TNKS: variants seen among roughly 807,000 people sequenced by gnomAD.
TNKS encodes tankyrase.
Under a neutral mutation model 135.8 loss-of-function variants are expected in TNKS, and 72 were observed. The ratio of observed to expected loss-of-function variants is 0.53; its 90% confidence interval spans 0.44 to 0.64. The LOEUF (loss-of-function observed/expected upper bound fraction) is 0.64. TNKS is among the 30% of genes least tolerant of loss of function. The probability of loss-of-function intolerance (pLI) is 0.00; values close to 1 mark genes in which losing one functional copy is unlikely to be tolerated. For synonymous variants in TNKS, 849 were observed against 649.3 expected (o/e 1.31, Z -4.68); for missense variants, 1,769 against 1,674.0 (o/e 1.06, Z -0.99).
intron 20 of TNKS, among the ~76,000 whole-genome samples, chr8:9,761,261 T>C (rs559321484): frequency 2.0e-5 from 3 of 152,352 alleles, no homozygotes; most frequent in South Asian, 4.1e-4. Context: ...ATGATCATTT[T>C]GTATTTCTAT....
intron 1 of TNKS, chr8:9,574,916 A>T (rs1797886826): frequency 4.4e-6 from 2 of 452,480 alleles, no homozygotes; most frequent in Non-Finnish European, 5.8e-6. Context: ...GAGAACCTAG[A>T]TATGAGGCTT....
chr8:9,606,940 A>G (rs75816090), intron 2 of TNKS, among the ~76,000 whole-genome samples: 13,054 of 152,112 alleles, frequency 0.086, 583 homozygotes, highest in South Asian at 0.18. Flanking sequence ...TGTTTCTTTA[A>G]GATTGTCTCT....
intron 3 of TNKS, among the ~76,000 whole-genome samples, chr8:9,622,011 C>G (rs1286499486): frequency 6.6e-6 from 1 of 151,986 alleles, no homozygotes; most frequent in South Asian, 2.1e-4. Context: ...AAGTTAATTT[C>G]TTGACTAAGA....
At chr8:9,650,978 G>A (rs779075865) in intron 3 of TNKS, among the ~76,000 whole-genome samples, 11 of 152,054 alleles carry the variant, frequency 7.2e-5, no homozygotes, top group African/African-American at 1.7e-4. Flanking sequence ...TGATCCATCT[G>A]GAATTGAATT....
At chr8:9,731,133 T>C (rs1805417626) in intron 14 of TNKS, 98 bp downstream of exon 14, 1 of 1,310,844 alleles carries the variant, frequency 7.6e-7, no homozygotes, top group African/African-American at 1.5e-5. Context: ...ATTAAAAAAG[T>C]AATCGTTATT....
intron 3 of TNKS, among the ~76,000 whole-genome samples, chr8:9,644,781 T>C (rs1240132976): frequency 6.6e-6 from 1 of 152,178 alleles, no homozygotes; most frequent in Non-Finnish European, 1.5e-5. Flanking sequence ...TTTTTTTTAC[T>C]ATATGATGGT....
At chr8:9,695,678 T>C (rs1803480678) in intron 5 of TNKS, among the ~76,000 whole-genome samples, 1 of 152,200 alleles carries the variant, frequency 6.6e-6, no homozygotes, top group Non-Finnish European at 1.5e-5. Context: ...GGAGACCTAG[T>C]AGAAGGCTGT....
intron 11 of TNKS, among the ~76,000 whole-genome samples, chr8:9,717,053 A>AGATAATCT (rs1804636413): frequency 8.2e-6 from 1 of 121,972 alleles, no homozygotes; most frequent in East Asian, 2.3e-4. Context: ...AAACCACCAA[A>AGATAATCT]GATAATCTGT....
At chr8:9,603,875 TAC>T (rs1200546212) in intron 2 of TNKS, among the ~76,000 whole-genome samples, 1 of 151,930 alleles carries the variant, frequency 6.6e-6, no homozygotes, top group Non-Finnish European at 1.5e-5. Context: ...TAATCTGGTA[TAC>T]AGAGTCAGTG....
chr8:9,725,489 C>T (rs1289913446), intron 12 of TNKS, among the ~76,000 whole-genome samples: 1 of 152,150 alleles, frequency 6.6e-6, no homozygotes, highest in Non-Finnish European at 1.5e-5. Context: ...TCTGTAAAAG[C>T]CACTCTCTCC....
chr8:9,670,500 C>T (rs1402606561), intron 3 of TNKS, among the ~76,000 whole-genome samples: 1 of 152,154 alleles, frequency 6.6e-6, no homozygotes, highest in Non-Finnish European at 1.5e-5. Context: ...GTAGTTTCTT[C>T]TTATTTTAAA....
At chr8:9,628,762 A>C (rs769603347) in intron 3 of TNKS, among the ~76,000 whole-genome samples, 1 of 152,126 alleles carries the variant, frequency 6.6e-6, no homozygotes, top group Admixed American at 6.5e-5. Context: ...AGAGGTACAT[A>C]TCCTACTACC....
chr8:9,761,749 G>A (rs1300310034), intron 21 of TNKS, 113 bp downstream of exon 21: 5 of 1,104,430 alleles, frequency 4.5e-6, no homozygotes, highest in Middle Eastern at 2.2e-4. Context: ...CTGAACTATT[G>A]TACCTCCTGT....
At chr8:9,656,166 A>C (rs1801355833) in intron 3 of TNKS, among the ~76,000 whole-genome samples, 1 of 152,238 alleles carries the variant, frequency 6.6e-6, no homozygotes, top group African/African-American at 2.4e-5. Context: ...AAGTGAATGA[A>C]ATGAAGCGAG....
chr8:9,684,262 A>G (rs1802897723), intron 5 of TNKS, among the ~76,000 whole-genome samples: 1 of 151,944 alleles, frequency 6.6e-6, no homozygotes, highest in South Asian at 2.1e-4. Context: ...AGTGTTTTAT[A>G]TCAGTATCAG....
At chr8:9,582,403 CT>C (rs1563093866) in intron 2 of TNKS, among the ~76,000 whole-genome samples, 1 of 151,862 alleles carries the variant, frequency 6.6e-6, no homozygotes, top group Non-Finnish European at 1.5e-5. Flanking sequence ...AGGTTTTTGC[CT>C]AGATGATGAA....
chr8:9,644,252 A>G (rs1800827995), intron 3 of TNKS, among the ~76,000 whole-genome samples: 1 of 152,134 alleles, frequency 6.6e-6, no homozygotes, highest in African/African-American at 2.4e-5. Flanking sequence ...AAAAGTGGTT[A>G]AGGTGATAAA....
intron 2 of TNKS, among the ~76,000 whole-genome samples, chr8:9,590,237 C>G (rs187495407): frequency 1.4e-3 from 206 of 152,140 alleles, no homozygotes; most frequent in African/African-American, 4.8e-3. Context: ...CCCTGTAATT[C>G]CCTCCCTTTC....
In TNKS at chr8:9,556,379, G is replaced by A; in HGVS notation, c.440G>A (p.Gly147Glu). The A allele has an allele frequency of 6.2e-7, 1 of 1,614,194 alleles. No homozygotes were observed. Among genetic ancestry groups the A allele is most frequent in the East Asian group, 2.2e-5 (1 of 44,882 alleles). ...TCATCTTCCTCTCCATCCTCCCCTGGATCGAGCTTGGCGGAGAGCCCCGAG... is the reference window on the plus strand; with the variant it reads ...TCATCTTCCTCTCCATCCTCCCCTGAATCGAGCTTGGCGGAGAGCCCCGAG... ...SSSSSSPSSP[G>E]SSLAESPEAA... The change falls in exon 1 of 27, where the codon GGA (glycine) becomes GAA (glutamate). Residue 147 changes from glycine to glutamate, a missense_variant. Gly to Glu is a moderately conservative substitution (Grantham distance 98). Coordinates refer to ENST00000310430, the MANE Select transcript of TNKS (RefSeq NM_003747.3).
Sources: allele counts gnomAD v4.1 joint callset (sites outside exome capture counted in the v4.1 genomes callset), GRCh38; gene constraint gnomAD v4.1.1; transcripts MANE v1.5; gene names NCBI Gene and HGNC (gene_info 2026-07-23, HGNC 2026-07-21).